Variants in MGAM observed in about 807,000 individuals in gnomAD.
The protein encoded by MGAM is maltase-glucoamylase.
In MGAM, 253 loss-of-function variants were observed where a neutral mutation model predicts 358.8. That is an observed-to-expected ratio of 0.71 (90% CI 0.64 to 0.78). The LOEUF is 0.78. Ranked by LOEUF, MGAM falls within the 30% of genes least tolerant of loss-of-function variation. The pLI is 0.00. For missense variants in MGAM, 3,080 were observed against 3,432.6 expected (o/e 0.90, Z 2.57); for synonymous variants, 1,105 against 1,227.1 (o/e 0.90, Z 2.08).
chr7:142,063,518 G>A lies in MGAM; in HGVS notation c.4277G>A (p.Ser1426Asn), dbSNP rs770850136. The A allele has an allele frequency of 1.9e-6, 3 of 1,613,742 alleles. No individual in the cohort carries two copies. The highest frequency in any genetic ancestry group is 2.5e-6 in the Non-Finnish European group (3 of 1,179,796). Reference sequence around the variant, plus strand: ...TTCTAGGATATGAATGAACCATCAAGCTTCGTGAATGGGGCAGTTTCTCCA... The same window carrying A: ...TTCTAGGATATGAATGAACCATCAAACTTCGTGAATGGGGCAGTTTCTCCA... ...GMWIDMNEPS[S>N]FVNGAVSPGC... Residue 1426 changes from serine (S) to asparagine (N), a missense_variant, in exon 36 of 71, where the codon AGC becomes AAC. This residue lies in a region of MGAM where 1,816 missense variants were observed against 1,840.5 expected (regional missense o/e 0.99). Transcript: ENST00000475668.
chr7:142,041,451 C>A (rs1288834347), intron 21 of MGAM, among the ~76,000 whole-genome samples: 1 of 152,012 alleles, frequency 6.6e-6, no homozygotes, highest in East Asian at 1.9e-4. Context: ...GAATCCAATG[C>A]CAGTTGGCTT....
chr7:142,036,735 T>C, intron 17 of MGAM, 88 bp from the exon 18 acceptor site: 1 of 1,396,732 alleles, frequency 7.2e-7, no homozygotes, highest in African/African-American at 1.4e-5. Flanking sequence ...GGGAAATTCT[T>C]GGTTGTAATG....
intron 2 of MGAM, among the ~76,000 whole-genome samples, chr7:141,987,088 G>A (rs1803743292): frequency 6.6e-6 from 1 of 152,162 alleles, no homozygotes; most frequent in Non-Finnish European, 1.5e-5. Context: ...GGCTAGCAGG[G>A]ACCATTTTGT....
Position 142,064,400 on chromosome 7 carries a change from CAG to C in MGAM, c.4363_4364del (p.Arg1455GlyfsTer109), listed in dbSNP as rs777281085. On this transcript the variant is annotated frameshift_variant, in exon 37 of 71. Coordinates refer to ENST00000475668, the MANE Select transcript of MGAM (RefSeq NM_001365693.1). LOFTEE classifies it high-confidence loss of function. Reference sequence around the variant, plus strand: ...CCTCCTCAGATTTGGAGTCCAGGGACAGGGGCCTGAGCAGCAAGACCCTTTGT... The same window carrying C: ...CCTCCTCAGATTTGGAGTCCAGGGACGGGCCTGAGCAGCAAGACCCTTTGT... ...PYMPHLESRD[R>X]GLSSKTLCME... 2.5e-5 allele frequency: 40 copies of C among 1,608,456 alleles called. No individual in the cohort carries two copies. The highest frequency in any genetic ancestry group is 4.5e-5 in the East Asian group (2 of 44,738).
intron 3 of MGAM, among the ~76,000 whole-genome samples, chr7:142,018,761 T>C (rs1243362342): frequency 3.3e-5 from 5 of 152,240 alleles, no homozygotes; most frequent in African/African-American, 9.6e-5. Flanking sequence ...ATGTAAGGCA[T>C]ATATTTAAAA....
At chr7:142,093,710 G>A (rs1298623623) in intron 60 of MGAM, among the ~76,000 whole-genome samples, 160 bp downstream of exon 60, 1 of 146,304 alleles carries the variant, frequency 6.8e-6, no homozygotes, top group Non-Finnish European at 1.5e-5. Flanking sequence ...TAGTGACATG[G>A]AGCCAGGCCC....
intron 60 of MGAM, 39 bp downstream of exon 60, chr7:142,093,589 T>A (rs1196417632): frequency 1.3e-6 from 2 of 1,481,682 alleles, no homozygotes; most frequent in Admixed American, 4.1e-5. Flanking sequence ...TCACAACCTG[T>A]AGGGATTGCC....
rs557130915 is a variant in MGAM, at chr7:142,092,425, G to A, written c.6946-96G>A. ...AGGGCTGGCATCTATAGGGATTACT[G>A]GATGTTGAACAATGTATTCACTGCT... On this transcript the variant is annotated intron_variant, in intron 58 of 70. Coordinates refer to ENST00000475668, the MANE Select transcript of MGAM (RefSeq NM_001365693.1). The A allele has an allele frequency of 3.5e-4, 431 of 1,219,084 alleles. 18 individuals are homozygous for A. In the African/African-American group the frequency reaches 5.6e-3, roughly 16 times the overall value. The allele number at this position is 1,219,084 out of a possible 1,614,324, so 75.5% of individuals were successfully genotyped here. A position where few individuals can be genotyped will look rare whatever the true frequency, so the allele number is the denominator to read the frequency against.
At chr7:142,080,724 AG>A in intron 49 of MGAM, 66 bp from the exon 50 acceptor site, 1 of 1,339,912 alleles carries the variant, frequency 7.5e-7, no homozygotes, top group Admixed American at 2.4e-5. Context: ...AAAATCAAAA[AG>A]GTTCTGCTAA....
chr7:142,023,891 C>A (rs10251374), intron 7 of MGAM, among the ~76,000 whole-genome samples: 10 of 152,260 alleles, frequency 6.6e-5, no homozygotes, highest in South Asian at 4.2e-4. Flanking sequence ...GGGAACCACC[C>A]TCTGAGAGAG....
At chr7:142,098,289 G>C (rs1328574479) in intron 66 of MGAM, among the ~76,000 whole-genome samples, 1 of 152,058 alleles carries the variant, frequency 6.6e-6, no homozygotes, top group Non-Finnish European at 1.5e-5. Context: ...GGGAAGCCAG[G>C]GTCTTCCCGG....
chr7:142,082,904 TTG>T (rs1345973430), intron 52 of MGAM, among the ~76,000 whole-genome samples: 4 of 145,840 alleles, frequency 2.7e-5, no homozygotes, highest in African/African-American at 9.8e-5. Flanking sequence ...AGTCTGGGGA[TTG>T]TGAGGGTGTA....
At chr7:142,002,756 A>G (rs147315878) in intron 1 of MGAM, among the ~76,000 whole-genome samples, 157 of 152,220 alleles carry the variant, frequency 1.0e-3, no homozygotes, top group African/African-American at 3.6e-3. Flanking sequence ...AGAAGAAAAT[A>G]ACAGGCATCC....
intron 66 of MGAM, among the ~76,000 whole-genome samples, chr7:142,098,427 G>A (rs376133675): frequency 2.0e-5 from 3 of 152,056 alleles, no homozygotes; most frequent in South Asian, 2.1e-4. Context: ...GGAGAACATC[G>A]TTGAGGGCTG....
At chr7:142,029,805 CT>C (rs1161093137) in intron 10 of MGAM, among the ~76,000 whole-genome samples, 1 of 152,212 alleles carries the variant, frequency 6.6e-6, no homozygotes, top group Non-Finnish European at 1.5e-5. Flanking sequence ...ATCCTCTTCT[CT>C]CCCCCACTCT....
In MGAM at chr7:142,052,339, A is replaced by G. The variant is rs180749383; in HGVS notation, c.2851A>G (p.Thr951Ala). The G allele has an allele frequency of 1.4e-4, 221 of 1,609,852 alleles. 1 individual carries two copies. The African/African-American group carries it at 2.6e-3, about 19-fold the overall frequency. Residue 951 changes from threonine (T) to alanine (A), a missense_variant, in exon 25 of 71, where the codon ACA (threonine) becomes GCA (alanine). This residue lies in a region of MGAM where 1,816 missense variants were observed against 1,840.5 expected (regional missense o/e 0.99). Coordinates refer to ENST00000475668, the MANE Select transcript of MGAM (RefSeq NM_001365693.1). ...DIDLLLGEAYTVEWSIKIRDE... is the reference protein window; with the variant it reads ...DIDLLLGEAYAVEWSIKIRDE... ...TGATCTTCTCCTGGGAGAAGCATACACAGTGGAATGGAGCATAAAGATAAG... is the reference window on the plus strand; with the variant it reads ...TGATCTTCTCCTGGGAGAAGCATACGCAGTGGAATGGAGCATAAAGATAAG...
rs1257913428 is a variant in MGAM, at chr7:142,055,725, G to A, written c.3482G>A (p.Gly1161Glu). The change falls in exon 28 of 71, where the codon GGG (glycine) becomes GAG (glutamate). Residue 1161 changes from glycine (G) to glutamate (E), a missense_variant and splice_region_variant. Transcript: ENST00000475668. ...ATGTTCTCCCGAGACCAGCCCCCAGGGGTAAGGACAGAGCATTTGGGATCT... is the reference window on the plus strand; with the variant it reads ...ATGTTCTCCCGAGACCAGCCCCCAGAGGTAAGGACAGAGCATTTGGGATCT... ...WGMFSRDQPP[G>E]YKKNSYGVHP... 12 of 1,613,834 alleles carry A rather than the reference G, an allele frequency of 7.4e-6. No individual in the cohort carries two copies. The highest frequency in any genetic ancestry group is 5.5e-5 in the South Asian group (5 of 91,058).
intron 3 of MGAM, among the ~76,000 whole-genome samples, chr7:142,011,518 C>G (rs1805594694): frequency 6.6e-6 from 1 of 152,022 alleles, no homozygotes; most frequent in South Asian, 2.1e-4. Flanking sequence ...GATAATGTAG[C>G]CATTGGTCAA....
chr7:142,100,769 T>C (rs770927155), intron 67 of MGAM, 33 bp from the exon 68 acceptor site: 208 of 1,582,978 alleles, frequency 1.3e-4, no homozygotes, highest in Non-Finnish European at 1.7e-4. Flanking sequence ...TGGCTTTACT[T>C]TTAGCTAATG....
Sources: allele counts gnomAD v4.1 joint callset (sites outside exome capture counted in the v4.1 genomes callset), GRCh38; gene constraint gnomAD v4.1.1; regional missense constraint gnomAD v4.1.1; transcripts MANE v1.5; gene names NCBI Gene and HGNC (gene_info 2026-07-23, HGNC 2026-07-21).